Variants in MBD5 observed in about 807,000 individuals in gnomAD.
MBD5 encodes methyl-CpG binding domain protein 5.
MBD5 carries 13 observed loss-of-function variants against 117.3 expected under a neutral mutation model. The ratio of observed to expected loss-of-function variants is 0.11; its 90% CI spans 0.07 to 0.18. MBD5 has a LOEUF of 0.18. MBD5 is among the 10% of genes least tolerant of loss of function. The probability of loss-of-function intolerance (pLI) is 1.00; values close to 1 mark genes in which losing one functional copy is unlikely to be tolerated. For synonymous variants in MBD5, 727 were observed against 766.4 expected, an observed-to-expected ratio of 0.95 and a Z score of 0.85; for missense variants, 1,879 against 2,093.8, an observed-to-expected ratio of 0.90 and a Z score of 2.00.
At chr2:148,437,273 G>A (rs749334536) in intron 4 of MBD5, among the ~76,000 whole-genome samples, 2 of 152,066 alleles carry the variant, frequency 1.3e-5, no homozygotes, top group Non-Finnish European at 2.9e-5. Flanking sequence ...GAGCCACCAC[G>A]CCCAGCCCAT....
At chr2:148,125,809 A>G (rs1239294945) in intron 1 of MBD5, among the ~76,000 whole-genome samples, 2 of 152,218 alleles carry the variant, frequency 1.3e-5, no homozygotes, top group Non-Finnish European at 2.9e-5. Context: ...CTGCCACTTA[A>G]TAGGTCAATA....
chr2:148,459,033 T>A (rs1448468536), intron 5 of MBD5, among the ~76,000 whole-genome samples, 162 bp downstream of exon 5: 1 of 151,924 alleles, frequency 6.6e-6, no homozygotes, highest in Non-Finnish European at 1.5e-5. Flanking sequence ...CCAGAGAGAA[T>A]TTTTTGCATT....
chr2:148,076,267 A>T (rs1371447472), intron 1 of MBD5, among the ~76,000 whole-genome samples: 1 of 152,042 alleles, frequency 6.6e-6, no homozygotes, highest in Non-Finnish European at 1.5e-5. Context: ...TATTGGTTTT[A>T]AAAAAGGCTC....
At chr2:148,134,400 C>G (rs952387623) in intron 1 of MBD5, among the ~76,000 whole-genome samples, 7 of 152,054 alleles carry the variant, frequency 4.6e-5, no homozygotes, top group Non-Finnish European at 1.0e-4. Context: ...CTTTTTAACC[C>G]AATCTGAAAT....
At position 148,512,949 on chromosome 2, in the gene MBD5, T is replaced by G; in HGVS notation, c.*8T>G. On this transcript the variant is annotated 3_prime_UTR_variant, in exon 14 of 14. Coordinates refer to ENST00000642680, the MANE Select transcript of MBD5 (RefSeq NM_001378120.1). The stretch of plus-strand genomic sequence containing the variant: ...AGGAAGATCTCCAGATAACAGAGAC[T>G]ACTCCACTAATGCGCAGTGTTTATT... The G allele has an allele frequency of 1.2e-6, 2 of 1,611,254 alleles. No individual in the cohort carries two copies. Among genetic ancestry groups the G allele is most frequent in the Non-Finnish European group, 1.7e-6 (2 of 1,177,420 alleles).
At chr2:148,077,942 C>T (rs1250406076) in intron 1 of MBD5, among the ~76,000 whole-genome samples, 2 of 152,074 alleles carry the variant, frequency 1.3e-5, no homozygotes, top group Non-Finnish European at 2.9e-5. Flanking sequence ...CTAAATTCCA[C>T]ACCAACTTTA....
chr2:148,497,040 A>C (rs1219470894), intron 11 of MBD5, among the ~76,000 whole-genome samples: 1 of 151,962 alleles, frequency 6.6e-6, no homozygotes, highest in East Asian at 1.9e-4. Context: ...CAGTTTGAAG[A>C]TGTTATTTTA....
intron 1 of MBD5, among the ~76,000 whole-genome samples, chr2:148,148,850 AT>A (rs1402580666): frequency 6.6e-6 from 1 of 151,974 alleles, no homozygotes; most frequent in African/African-American, 2.4e-5. Context: ...TTCTACATTT[AT>A]TTTTCTCTCT....
chr2:148,315,934 G>T, intron 3 of MBD5, among the ~76,000 whole-genome samples: 1 of 152,192 alleles, frequency 6.6e-6, no homozygotes, highest in Non-Finnish European at 1.5e-5. Context: ...AAAGTGGTTT[G>T]ATTGACTCAC....
At chr2:148,023,417 A>G (rs1693819379) in intron 1 of MBD5, among the ~76,000 whole-genome samples, 1 of 152,232 alleles carries the variant, frequency 6.6e-6, no homozygotes, top group Non-Finnish European at 1.5e-5. Flanking sequence ...TTACATACCG[A>G]AATAAAAAAG....
chr2:148,383,454 G>T (rs1704226026), intron 4 of MBD5, among the ~76,000 whole-genome samples: 1 of 152,110 alleles, frequency 6.6e-6, no homozygotes, highest in Non-Finnish European at 1.5e-5. Flanking sequence ...TGAGATTGAG[G>T]CAATAATTAA....
At chr2:148,092,977 G>A (rs1329032557) in intron 1 of MBD5, among the ~76,000 whole-genome samples, 4 of 151,924 alleles carry the variant, frequency 2.6e-5, no homozygotes, top group Admixed American at 2.6e-4. Flanking sequence ...GAGTGCAGTG[G>A]CGCGATCTTG....
chr2:148,243,490 G>T (rs758550072), intron 3 of MBD5, among the ~76,000 whole-genome samples: 120 of 151,924 alleles, frequency 7.9e-4, no homozygotes, highest in Non-Finnish European at 1.1e-3. Flanking sequence ...CTGTTTATCA[G>T]AATATATTTT....
At chr2:148,397,906 G>A (rs1704782514) in intron 4 of MBD5, among the ~76,000 whole-genome samples, 1 of 151,546 alleles carries the variant, frequency 6.6e-6, no homozygotes, top group African/African-American at 2.4e-5. Context: ...TGCAGTGTTT[G>A]GTTTTTTGTC....
chr2:148,277,194 A>G (rs1436176017), intron 3 of MBD5, among the ~76,000 whole-genome samples: 1 of 152,180 alleles, frequency 6.6e-6, no homozygotes, highest in Non-Finnish European at 1.5e-5. Flanking sequence ...GAGACATGGT[A>G]AGAAGTTATG....
At chr2:148,252,624 A>C (rs1274461451) in intron 3 of MBD5, among the ~76,000 whole-genome samples, 3 of 152,174 alleles carry the variant, frequency 2.0e-5, no homozygotes, top group Admixed American at 6.5e-5. Flanking sequence ...ATCATGGCTC[A>C]CTGCAGCCTC....
intron 4 of MBD5, among the ~76,000 whole-genome samples, chr2:148,435,043 G>T (rs1386586834): frequency 1.3e-5 from 2 of 152,196 alleles, no homozygotes; most frequent in East Asian, 3.9e-4. Context: ...ATCATTATTG[G>T]TTTAAAATCT....
intron 1 of MBD5, among the ~76,000 whole-genome samples, chr2:148,151,965 T>C (rs1697686326): frequency 1.3e-5 from 2 of 152,172 alleles, no homozygotes; most frequent in South Asian, 4.2e-4. Flanking sequence ...ATTTTAGTTA[T>C]TTCTTGCCTT....
At chr2:148,264,937 C>T (rs1314481317) in intron 3 of MBD5, 1 of 152,054 alleles carries the variant, frequency 6.6e-6, no homozygotes, top group Non-Finnish European at 1.5e-5. Flanking sequence ...GACTGATGAT[C>T]AATAATCAAA....
Sources: gnomAD v4.1 joint callset for allele counts (sites outside exome capture counted in the v4.1 genomes callset) on GRCh38, gnomAD v4.1.1 for gene constraint, MANE v1.5 for transcripts, NCBI Gene and HGNC (gene_info 2026-07-23, HGNC 2026-07-21) for gene names.